The following KIAA1549L variants were observed in gnomAD, a reference collection of about 807,000 sequenced individuals.
KIAA1549L encodes UPF0606 protein KIAA1549L.
Under a neutral mutation model 160.7 loss-of-function variants are expected in KIAA1549L, and 88 were observed. The observed-to-expected ratio is 0.55, with a 90% CI of 0.46 to 0.65. KIAA1549L has a LOEUF of 0.65. Ranked by LOEUF, KIAA1549L falls within the 30% of genes least tolerant of loss-of-function variation. The pLI is 0.00. For synonymous variants in KIAA1549L, 950 were observed against 976.7 expected, an observed-to-expected ratio of 0.97 and a Z score of 0.51; for missense variants, 2,258 against 2,437.5, an observed-to-expected ratio of 0.93 and a Z score of 1.55.
intron 1 of KIAA1549L, among the ~76,000 whole-genome samples, chr11:33,425,886 T>C (rs535598190): frequency 6.6e-6 from 1 of 152,310 alleles, no homozygotes; most frequent in East Asian, 1.9e-4. Flanking sequence ...ATGCACAAGT[T>C]CAGTCTAAGC....
At chr11:33,456,725 G>A (rs1851831656) in intron 1 of KIAA1549L, among the ~76,000 whole-genome samples, 1 of 152,070 alleles carries the variant, frequency 6.6e-6, no homozygotes, top group Non-Finnish European at 1.5e-5. Context: ...TCTTTCTTAT[G>A]TCTTTCTTTT....
chr11:33,441,670 GTGA>G (rs1397638966), intron 1 of KIAA1549L, among the ~76,000 whole-genome samples: 1 of 152,218 alleles, frequency 6.6e-6, no homozygotes, highest in Non-Finnish European at 1.5e-5. Context: ...CTGATGGCCA[GTGA>G]TGATGAGCAT....
At position 33,628,856 on chromosome 11, in the gene KIAA1549L, A is replaced by G. The variant is rs528966515; in HGVS notation, c.5409+10194A>G. ...ATGTTAGTTGGTTATTTTGCTTGTT[A>G]GTTCATGCAGTTTCTTCCCAGTCTC... On this transcript the variant is annotated intron_variant, in intron 16 of 20. Coordinates refer to ENST00000658780, the MANE Select transcript of KIAA1549L (RefSeq NM_012194.3). Among the ~76,000 whole-genome samples the G allele has an allele frequency of 5.3e-5, 8 of 150,924 alleles. No homozygotes were observed. The East Asian group carries it at 1.6e-3, about 29-fold the overall frequency.
intron 1 of KIAA1549L, chr11:33,403,342 C>G (rs1433441138): frequency 3.8e-5 from 4 of 105,112 alleles, no homozygotes; most frequent in African/African-American, 6.9e-5. Flanking sequence ...CACATGCAGA[C>G]ACGCAGACAG....
At chr11:33,418,070 C>T (rs1850924493) in intron 1 of KIAA1549L, among the ~76,000 whole-genome samples, 2 of 152,174 alleles carry the variant, frequency 1.3e-5, no homozygotes. Flanking sequence ...TGAGCCACCA[C>T]ACCTGGTTCC....
At chr11:33,462,738 GATA>G (rs774813751) in intron 1 of KIAA1549L, among the ~76,000 whole-genome samples, 10 of 151,836 alleles carry the variant, frequency 6.6e-5, no homozygotes, top group Non-Finnish European at 1.3e-4. Flanking sequence ...AGTTGGAAAT[GATA>G]ATATCATGTT....
chr11:33,466,799 T>C (rs1484669216), intron 1 of KIAA1549L, among the ~76,000 whole-genome samples: 2 of 152,124 alleles, frequency 1.3e-5, no homozygotes, highest in African/African-American at 4.8e-5. Context: ...TAAAAAAGTA[T>C]GAGTTCATGT....
chr11:33,423,272 G>A (rs1237591386), intron 1 of KIAA1549L, among the ~76,000 whole-genome samples: 2 of 152,164 alleles, frequency 1.3e-5, no homozygotes, highest in Admixed American at 6.5e-5. Flanking sequence ...AGAGCCACAT[G>A]AATTCTGCTA....
chr11:33,406,507 G>A (rs1850656047), intron 1 of KIAA1549L, among the ~76,000 whole-genome samples: 1 of 152,194 alleles, frequency 6.6e-6, no homozygotes. Context: ...CCTCTCTTAG[G>A]GACAGGTGGA....
chr11:33,664,231 C>T (rs1019329152), intron 20 of KIAA1549L, among the ~76,000 whole-genome samples: 1 of 152,222 alleles, frequency 6.6e-6, no homozygotes, highest in African/African-American at 2.4e-5. Context: ...CTCATCAGTT[C>T]TCATCCGACC....
At chr11:33,579,077 C>T (rs146257824) in intron 10 of KIAA1549L, among the ~76,000 whole-genome samples, 17 of 152,286 alleles carry the variant, frequency 1.1e-4, no homozygotes, top group African/African-American at 3.4e-4. Flanking sequence ...GTAACCCAGG[C>T]CCAGCCCCTG....
At chr11:33,521,231 C>T (rs576334596) in intron 1 of KIAA1549L, among the ~76,000 whole-genome samples, 3 of 152,244 alleles carry the variant, frequency 2.0e-5, no homozygotes, top group Non-Finnish European at 4.4e-5. Flanking sequence ...ATATTAAACA[C>T]CTTGGGGTAG....
chr11:33,586,992 C>T (rs2133277428), intron 11 of KIAA1549L, among the ~76,000 whole-genome samples: 1 of 152,336 alleles, frequency 6.6e-6, no homozygotes, highest in South Asian at 2.1e-4. Context: ...GCACCAAAGA[C>T]AGTCCCTGTC....
chr11:33,524,833 T>G (rs190793293), intron 1 of KIAA1549L, among the ~76,000 whole-genome samples: 1 of 152,214 alleles, frequency 6.6e-6, no homozygotes, highest in South Asian at 2.1e-4. Context: ...TTTCAAAACC[T>G]CATACTTGCT....
chr11:33,554,705 G>A lies in KIAA1549L; in HGVS notation c.3855+2464G>A, dbSNP rs958316349. ...CCTTTCTGGGCCAAGGAGGTTAAATGTCCCAATGAACTAGGCCTGACTACT... is the reference window on the plus strand; with the variant it reads ...CCTTTCTGGGCCAAGGAGGTTAAATATCCCAATGAACTAGGCCTGACTACT... On this transcript the variant is annotated intron_variant, in intron 6 of 20. Coordinates refer to ENST00000658780, the MANE Select transcript of KIAA1549L (RefSeq NM_012194.3). Among the ~76,000 whole-genome samples the A allele has an allele frequency of 3.3e-5, 5 of 152,198 alleles. No individual in the cohort carries two copies. In the East Asian group the frequency reaches 9.6e-4, roughly 29 times the overall value.
At chr11:33,537,329 T>C (rs979175937) in intron 1 of KIAA1549L, among the ~76,000 whole-genome samples, 1 of 152,182 alleles carries the variant, frequency 6.6e-6, no homozygotes, top group African/African-American at 2.4e-5. Flanking sequence ...CTGGTGTCCA[T>C]ATCTCCCATA....
intron 1 of KIAA1549L, among the ~76,000 whole-genome samples, chr11:33,423,142 A>G (rs1382188163): frequency 3.3e-5 from 5 of 152,246 alleles, no homozygotes; most frequent in African/African-American, 4.8e-5. Flanking sequence ...AAAACTATGC[A>G]TACATTTCAA....
chr11:33,381,561 T>A (rs1414610375), intron 1 of KIAA1549L, among the ~76,000 whole-genome samples: 1 of 152,172 alleles, frequency 6.6e-6, no homozygotes, highest in Admixed American at 6.5e-5. Flanking sequence ...CCTATAGGAC[T>A]TACTGGCCAT....
chr11:33,603,755 G>A (rs543908302), intron 13 of KIAA1549L, among the ~76,000 whole-genome samples: 73 of 151,094 alleles, frequency 4.8e-4, no homozygotes, highest in African/African-American at 1.6e-3. Flanking sequence ...GCAGTGAGCC[G>A]AAATCATGCC....
Sources: allele counts gnomAD v4.1 joint callset (sites outside exome capture counted in the v4.1 genomes callset), GRCh38; gene constraint gnomAD v4.1.1; transcripts MANE v1.5; gene names NCBI Gene and HGNC (gene_info 2026-07-23, HGNC 2026-07-21).